PCDH18: variants seen among roughly 807,000 people sequenced by gnomAD.
PCDH18 encodes protocadherin-18.
A neutral mutation model predicts 71.5 loss-of-function variants in PCDH18; 38 were observed. The ratio of observed to expected loss-of-function variants is 0.53; its 90% CI spans 0.41 to 0.70. The LOEUF is 0.70. Among genes scored for constraint, PCDH18 ranks in the 30% least tolerant of loss-of-function variants. PCDH18 has a pLI of 0.00. For missense variants in PCDH18, 1,334 were observed against 1,384.6 expected, an observed-to-expected ratio of 0.96 and a Z score of 0.58; for synonymous variants, 565 against 505.4, an observed-to-expected ratio of 1.12 and a Z score of -1.58.
chr4:137,529,401 G>A (rs138454526), intron 1 of PCDH18: 356 of 470,904 alleles, frequency 7.6e-4, no homozygotes, highest in African/African-American at 5.6e-3. Flanking sequence ...ATTATATGAA[G>A]TTATTTACTT....
rs1731723348 is a variant in PCDH18, at chr4:137,531,902, TAGA to T, written c.184_186del (p.Ser62del). 6.2e-7 allele frequency: 1 copy of T among 1,614,070 alleles called. No individual in the cohort carries two copies. The highest frequency in any genetic ancestry group is 1.1e-5 in the South Asian group (1 of 91,066). ...CTCTGCATGGCTCGAAATCGAACAG[TAGA>T]AGGATTAGGAAGCTTCAATAAAACA... On this transcript the variant is annotated inframe_deletion, in exon 1 of 4. Coordinates refer to ENST00000344876, the MANE Select transcript of PCDH18 (RefSeq NM_019035.5).
chr4:137,520,297 G>A lies in PCDH18; in HGVS notation c.*732C>T, dbSNP rs1731251303. ...AATTATAAGTAGATAATAATATTGT[G>A]AGAGAAATATTCTCCGGAACAGGCC... On this transcript the variant is annotated 3_prime_UTR_variant, in exon 4 of 4. Transcript: ENST00000344876. The A allele has an allele frequency of 6.6e-6, 1 of 152,198 alleles. No homozygotes were observed. Among genetic ancestry groups the A allele is most frequent in the Admixed American group, 6.5e-5 (1 of 15,278 alleles). The allele number at this position is 152,198 out of a possible 1,614,324, so 9.4% of individuals were successfully genotyped here.
intron 3 of PCDH18, among the ~76,000 whole-genome samples, chr4:137,525,078 ACAAAAT>A (rs1462603260): frequency 6.6e-6 from 1 of 152,206 alleles, no homozygotes; most frequent in Non-Finnish European, 1.5e-5. Context: ...GTCACAAGAA[ACAAAAT>A]CAAACGGCTG....
At chr4:137,522,721 C>G (rs1404867541) in intron 3 of PCDH18, among the ~76,000 whole-genome samples, 2 of 152,094 alleles carry the variant, frequency 1.3e-5, no homozygotes, top group Non-Finnish European at 2.9e-5. Context: ...TTTTGTAGAT[C>G]CATCTACTTT....
chr4:137,532,408 G>A lies in PCDH18; in HGVS notation c.-320C>T, dbSNP rs1485142518. On this transcript the variant is annotated 5_prime_UTR_variant, in exon 1 of 4. Transcript: ENST00000344876. ...TTGCAGGGTGCCGGTGGAGTCTGCA[G>A]TGTGTCTTTCCTGAGCGATTCTTTC... The A allele has an allele frequency of 2.9e-6, 2 of 697,990 alleles. No individual in the cohort carries two copies. The highest frequency in any genetic ancestry group is 1.8e-5 in the African/African-American group (1 of 57,080). The allele number at this position is 697,990 out of a possible 1,614,324, so 43.2% of individuals were successfully genotyped here.
intron 3 of PCDH18, among the ~76,000 whole-genome samples, chr4:137,527,361 T>A (rs1466746125): frequency 6.6e-6 from 1 of 152,204 alleles, no homozygotes; most frequent in Non-Finnish European, 1.5e-5. Context: ...TGTAAATAGT[T>A]GTTATACTGT....
At position 137,530,476 on chromosome 4, in the gene PCDH18, A is replaced by G. The variant is rs1731640479; in HGVS notation, c.1613T>C (p.Val538Ala). 8.7e-6 allele frequency: 14 copies of G among 1,613,990 alleles called. No homozygotes were observed. Among genetic ancestry groups the G allele is most frequent in the Non-Finnish European group, 1.2e-5 (14 of 1,179,968 alleles). ...YALRIFDHEE[V>A]SQITFVVEAR... ...TTCTACCACAAAAGTGATCTGACTC[A>G]CTTCTTCATGATCAAAGATTCTGAG... The change falls in exon 1 of 4, where the codon GTG becomes GCG. Residue 538 changes from valine to alanine, a missense_variant. By Grantham distance (64) the Val-to-Ala change is moderately conservative (BLOSUM62 0). This residue lies in a region of PCDH18 where 1,011 missense variants were observed against 1,048.0 expected (regional missense o/e 0.96). Coordinates refer to ENST00000344876, the MANE Select transcript of PCDH18 (RefSeq NM_019035.5).
At chr4:137,529,159 T>A (rs936902093) in intron 1 of PCDH18, 7 of 289,088 alleles carry the variant, frequency 2.4e-5, no homozygotes, top group South Asian at 7.1e-5. Context: ...AACACTGCAA[T>A]GCATGTAGTT....
chr4:137,526,294 C>T (rs185741597), intron 3 of PCDH18, among the ~76,000 whole-genome samples: 125 of 152,036 alleles, frequency 8.2e-4, no homozygotes, highest in Admixed American at 1.5e-3. Context: ...ATTTAAATTT[C>T]AATGAATAAA....
chr4:137,521,056 T>C lies in PCDH18; in HGVS notation c.3381A>G (p.Lys1127=). The C allele has an allele frequency of 6.2e-7, 1 of 1,602,058 alleles. No individual in the cohort carries two copies. The highest frequency in any genetic ancestry group is 1.3e-5 in the African/African-American group (1 of 74,798). The change falls in exon 4 of 4, where the codon AAA becomes AAG. Residue 1127 remains lysine (K), a synonymous_variant. Transcript: ENST00000344876. ...AGCTCTGGCGGACATCTTGAAGCAG[T>C]TTGTTAATCTCTGCCACCAGTTCAC... ...DASELVAEIN[K]LLQDVRQS
intron 3 of PCDH18, among the ~76,000 whole-genome samples, chr4:137,525,332 A>G (rs1405231803): frequency 1.3e-5 from 2 of 152,188 alleles, no homozygotes; most frequent in African/African-American, 4.8e-5. Flanking sequence ...CATAATCTAT[A>G]TTTGTTCAAA....
rs2149210969 is a variant in PCDH18 at position 137,519,922 on chromosome 4, A to C, written c.*1107T>G. On this transcript the variant is annotated 3_prime_UTR_variant, in exon 4 of 4. Coordinates refer to ENST00000344876, the MANE Select transcript of PCDH18 (RefSeq NM_019035.5). ...ACACAACAAATAAAACAATTGCAGT[A>C]ACAAAAATATGATTTTATAAATGTT... is the stretch of plus-strand genomic sequence containing the variant. The C allele has an allele frequency of 6.5e-6, 1 of 152,786 alleles. No individual in the cohort carries two copies. Among genetic ancestry groups the C allele is most frequent in the Non-Finnish European group, 1.5e-5 (1 of 68,038 alleles). The allele number at this position is 152,786 out of a possible 1,614,324, so 9.5% of individuals were successfully genotyped here.
In PCDH18 at chr4:137,520,686, G is replaced by A. The variant is rs1253931611; in HGVS notation, c.*343C>T. ...TTCTTCCCCAACAAAACTAATCTAA[G>A]CAGTGCCTTTACACTTTGTGGTTGA... On this transcript the variant is annotated 3_prime_UTR_variant, in exon 4 of 4. Coordinates refer to ENST00000344876, the MANE Select transcript of PCDH18 (RefSeq NM_019035.5). The A allele has an allele frequency of 5.4e-6, 1 of 184,208 alleles. No individual in the cohort carries two copies. 11.4% of individuals were successfully genotyped at this position (184,208 alleles called of 1,614,324 possible).
At chr4:137,529,490 G>T in intron 1 of PCDH18, 112 bp downstream of exon 1, 2 of 657,042 alleles carry the variant, frequency 3.0e-6, no homozygotes, top group East Asian at 2.7e-5. Flanking sequence ...TACTTAATTT[G>T]CACAGTATTA....
chr4:137,531,586 T>C lies in PCDH18; in HGVS notation c.503A>G (p.Glu168Gly). 6 of 1,613,516 alleles carry C rather than the reference T, an allele frequency of 3.7e-6. No homozygotes were observed. The highest frequency in any genetic ancestry group is 5.1e-6 in the Non-Finnish European group (6 of 1,179,656). ...GAGCGAGTATGTGTGGAGGGAATTT[T>C]CCCCAACATCTGGATCAAATGCACT... ...LDSAFDPDVG[E>G]NSLHTYSLSA... The change falls in exon 1 of 4, where the codon GAA becomes GGA. Residue 168 changes from glutamate (E) to glycine (G), a missense_variant. Glu to Gly is a moderately conservative substitution (Grantham distance 98, BLOSUM62 -2). This residue lies in a region of PCDH18 where 1,011 missense variants were observed against 1,048.0 expected (regional missense o/e 0.96). Transcript: ENST00000344876.
At position 137,529,714 on chromosome 4, in the gene PCDH18, C is replaced by A. The variant is rs757036447; in HGVS notation, c.2375G>T (p.Ser792Ile). The stretch of plus-strand genomic sequence containing the variant: ...CTGGTGACTGTTGTGACTCTGCCGG[C>A]TGCCCATCTGCCCTCTTTCTAAGGT... ...SPTLERGQMGSRQSHNSHQSL... is the reference protein window; with the variant it reads ...SPTLERGQMGIRQSHNSHQSL... The change falls in exon 1 of 4, where the codon AGC becomes ATC. Residue 792 changes from serine (S) to isoleucine (I), a missense_variant. Coordinates refer to ENST00000344876, the MANE Select transcript of PCDH18 (RefSeq NM_019035.5). 6.2e-7 allele frequency: 1 copy of A among 1,613,894 alleles called. No individual in the cohort carries two copies.
chr4:137,526,876 G>A (rs890277488), intron 3 of PCDH18, among the ~76,000 whole-genome samples: 1 of 150,806 alleles, frequency 6.6e-6, no homozygotes, highest in African/African-American at 2.4e-5. Flanking sequence ...GCAGGGATTG[G>A]TCCAAATCTC....
At chr4:137,526,650 T>C (rs1731470661) in intron 3 of PCDH18, among the ~76,000 whole-genome samples, 2 of 152,134 alleles carry the variant, frequency 1.3e-5, no homozygotes, top group Non-Finnish European at 2.9e-5. Flanking sequence ...GCATGCCTTA[T>C]TGTCTCTCGA....
At chr4:137,524,192 C>A (rs1383959985) in intron 3 of PCDH18, among the ~76,000 whole-genome samples, 1 of 152,078 alleles carries the variant, frequency 6.6e-6, no homozygotes, top group Non-Finnish European at 1.5e-5. Context: ...GGGAGGGGGA[C>A]CATGGTGAAA....
Sources: allele counts gnomAD v4.1 joint callset (sites outside exome capture counted in the v4.1 genomes callset), GRCh38; gene constraint gnomAD v4.1.1; regional missense constraint gnomAD v4.1.1; transcripts MANE v1.5; gene names NCBI Gene and HGNC (gene_info 2026-07-23, HGNC 2026-07-21).